The following USP20 variants were observed in gnomAD, a reference collection of about 807,000 sequenced individuals.
USP20 encodes the protein ubiquitin carboxyl-terminal hydrolase 20.
In USP20, 80 loss-of-function variants were observed where a neutral mutation model predicts 124.2. That is an observed-to-expected ratio of 0.64 (90% CI 0.54 to 0.78). The LOEUF (loss-of-function observed/expected upper bound fraction) is 0.78. Among genes scored for constraint, USP20 ranks in the 30% least tolerant of loss-of-function variants. USP20 has a pLI of 0.00. For synonymous variants in USP20, 481 were observed against 512.3 expected, an observed-to-expected ratio of 0.94 and a Z score of 0.83; for missense variants, 1,043 against 1,244.4, an observed-to-expected ratio of 0.84 and a Z score of 2.44.
At chr9:129,849,178 C>T (rs1421714005) in intron 1 of USP20, among the ~76,000 whole-genome samples, 1 of 152,184 alleles carries the variant, frequency 6.6e-6, no homozygotes, top group Non-Finnish European at 1.5e-5. Flanking sequence ...AGGAGAGGCC[C>T]TGTAGACCCC....
rs1469633684 is a variant in USP20, at chr9:129,839,685, C to T, written c.-129+4186C>T. The stretch of plus-strand genomic sequence containing the variant: ...TCAGCGTGGGCAGGGCTGTGGGCAT[C>T]GTTGTGTGGGTGGGAGGCCCAGAAG... On this transcript the variant is annotated intron_variant, in intron 1 of 25. Transcript: ENST00000372429. The surrounding 1 kb of genome is among the most constrained non-coding windows in gnomAD (Gnocchi z 4.5). 6.6e-6 allele frequency among the ~76,000 whole-genome samples: 1 copy of T among 151,960 alleles called. No individual in the cohort carries two copies. The highest frequency in any genetic ancestry group is 1.9e-4 in the East Asian group (1 of 5,174).
intron 9 of USP20, 37 bp from the exon 10 acceptor site, chr9:129,865,266 C>G (rs1320633723): frequency 6.2e-7 from 1 of 1,608,610 alleles, no homozygotes; most frequent in South Asian, 1.1e-5. Context: ...CAGCTCAAGG[C>G]AGGCTACCTG....
In USP20 at chr9:129,878,429, G is replaced by A. The variant is rs1230966001; in HGVS notation, c.2501G>A (p.Gly834Glu). 1 of 1,608,796 alleles carries A rather than the reference G, an allele frequency of 6.2e-7. No individual in the cohort carries two copies. The highest frequency in any genetic ancestry group is 8.5e-7 in the Non-Finnish European group (1 of 1,177,218). The change falls in exon 23 of 26, where the codon GGG becomes GAG. Residue 834 changes from glycine (G) to glutamate (E), a missense_variant. Transcript: ENST00000372429. ...WFREWEAFVK[G>E]KDNEPPGPID... Reference sequence around the variant, plus strand: ...CGGGAGTGGGAGGCGTTCGTCAAGGGGAAGGACAACGGTGAGCTGAGGGGG... The same window carrying A: ...CGGGAGTGGGAGGCGTTCGTCAAGGAGAAGGACAACGGTGAGCTGAGGGGG...
Position 129,874,838 on chromosome 9 carries a change from A to G in USP20, c.1931A>G (p.Tyr644Cys), listed in dbSNP as rs1269840504. The change falls in exon 19 of 26, where the codon TAC becomes TGC. Residue 644 changes from tyrosine to cysteine, a missense_variant. By Grantham distance (194) the Tyr-to-Cys change is radical. Coordinates refer to ENST00000372429, the MANE Select transcript of USP20 (RefSeq NM_001110303.4). Reference sequence around the variant, plus strand: ...TGCTCTGCCGCCGCAGGTGGGCACTACATCGCCTACTGCCAGAACGTGATC... The same window carrying G: ...TGCTCTGCCGCCGCAGGTGGGCACTGCATCGCCTACTGCCAGAACGTGATC... ...CHHGTAGSGHYIAYCQNVING... is the reference protein window; with the variant it reads ...CHHGTAGSGHCIAYCQNVING... 1 of 1,613,968 alleles carries G rather than the reference A, an allele frequency of 6.2e-7. No individual in the cohort carries two copies. The highest frequency in any genetic ancestry group is 2.2e-5 in the East Asian group (1 of 44,892).
intron 10 of USP20, among the ~76,000 whole-genome samples, chr9:129,867,419 C>T (rs1320869202): frequency 6.6e-6 from 1 of 152,108 alleles, no homozygotes; most frequent in Non-Finnish European, 1.5e-5. Context: ...ATGACCAGGT[C>T]TGTGGGAAGG....
At chr9:129,853,598 TGG>T (rs2033052762) in intron 3 of USP20, among the ~76,000 whole-genome samples, 1 of 152,228 alleles carries the variant, frequency 6.6e-6, no homozygotes, top group Non-Finnish European at 1.5e-5. Context: ...AGCAGGTCCT[TGG>T]TGGCCTTTGG....
At position 129,875,439 on chromosome 9, in the gene USP20, A is replaced by G. The variant is rs755165128; in HGVS notation, c.2178A>G (p.Pro726=). 6.2e-7 allele frequency: 1 copy of G among 1,613,644 alleles called. No individual in the cohort carries two copies. Among genetic ancestry groups the G allele is most frequent in the Non-Finnish European group, 8.5e-7 (1 of 1,179,900 alleles). ...ACAAGTTCAACACCTTCGCGGAGCC[A>G]GGCCCCATCACCAACCAGACCTTCC... ...WLNKFNTFAE[P]GPITNQTFLC... The change falls in exon 20 of 26, where the codon CCA becomes CCG. Residue 726 remains proline, a synonymous_variant. Transcript: ENST00000372429.
At chr9:129,871,502 C>T (rs897010564) in intron 15 of USP20, among the ~76,000 whole-genome samples, 1 of 152,196 alleles carries the variant, frequency 6.6e-6, no homozygotes, top group South Asian at 2.1e-4. Context: ...GCACACCTCT[C>T]TTCTTTCATC....
rs1459570346 is a variant in USP20 at position 129,860,053 on chromosome 9, A to G, written c.331-884A>G. Among the ~76,000 whole-genome samples, 5 of 151,970 alleles carry G rather than the reference A, an allele frequency of 3.3e-5. No homozygotes were observed. The South Asian group carries it at 1.0e-3, about 32-fold the overall frequency. On this transcript the variant is annotated intron_variant, in intron 6 of 25. Coordinates refer to ENST00000372429, the MANE Select transcript of USP20 (RefSeq NM_001110303.4). Reference sequence around the variant, plus strand: ...CTCTTAAAAAAAGTCCACATAGCCCAGGCGCGGTGGCTCATTCCTGTAATC... The same window carrying G: ...CTCTTAAAAAAAGTCCACATAGCCCGGGCGCGGTGGCTCATTCCTGTAATC...
At chr9:129,873,636 G>A in intron 16 of USP20, 63 bp from the exon 17 acceptor site, 3 of 1,613,652 alleles carry the variant, frequency 1.9e-6, no homozygotes, top group Non-Finnish European at 2.5e-6. Flanking sequence ...CGGGTGGAGG[G>A]CTGCTTCCCT....
At chr9:129,863,396 C>T (rs1251058590) in intron 9 of USP20, 97 bp downstream of exon 9, 18 of 956,216 alleles carry the variant, frequency 1.9e-5, no homozygotes, top group Non-Finnish European at 2.3e-5. Context: ...CAGCCCCCAG[C>T]GAGGACTTGC....
chr9:129,874,850 G>A lies in USP20; in HGVS notation c.1943G>A (p.Cys648Tyr). 1 of 1,614,134 alleles carries A rather than the reference G, an allele frequency of 6.2e-7. No homozygotes were observed. The highest frequency in any genetic ancestry group is 8.5e-7 in the Non-Finnish European group (1 of 1,180,044). ...GCAGGTGGGCACTACATCGCCTACTGCCAGAACGTGATCAATGGGCAGTGG... is the reference window on the plus strand; with the variant it reads ...GCAGGTGGGCACTACATCGCCTACTACCAGAACGTGATCAATGGGCAGTGG... ...TAGSGHYIAY[C>Y]QNVINGQWYE... Residue 648 changes from cysteine (C) to tyrosine (Y), a missense_variant, in exon 19 of 26, where the codon TGC becomes TAC. Physicochemically the swap from Cys to Tyr is radical, Grantham distance 194. Transcript: ENST00000372429.
intron 10 of USP20, among the ~76,000 whole-genome samples, chr9:129,866,589 G>A (rs1478751848): frequency 6.6e-6 from 1 of 152,204 alleles, no homozygotes. Context: ...TCAGCTCTGG[G>A]TCAGGATGCC....
At chr9:129,871,555 G>T (rs111255724) in intron 15 of USP20, among the ~76,000 whole-genome samples, 1 of 152,250 alleles carries the variant, frequency 6.6e-6, no homozygotes, top group African/African-American at 2.4e-5. Context: ...AGGAGCCACC[G>T]TACTGGGTTC....
intron 1 of USP20, among the ~76,000 whole-genome samples, chr9:129,847,115 C>A (rs1443433554): frequency 1.3e-5 from 2 of 152,138 alleles, no homozygotes; most frequent in Non-Finnish European, 2.9e-5. Flanking sequence ...ACAAATATTT[C>A]TTTGAGTTGC....
In USP20 at chr9:129,871,555, G is replaced by A. The variant is rs111255724; in HGVS notation, c.1660+1008G>A. Reference sequence around the variant, plus strand: ...ATTTTTAATTTCTCGAGGAGCCACCGTACTGGGTTCCACAGTGGCCACCCC... The same window carrying A: ...ATTTTTAATTTCTCGAGGAGCCACCATACTGGGTTCCACAGTGGCCACCCC... On this transcript the variant is annotated intron_variant, in intron 15 of 25. Coordinates refer to ENST00000372429, the MANE Select transcript of USP20 (RefSeq NM_001110303.4). 4.1e-3 allele frequency among the ~76,000 whole-genome samples: 622 copies of A among 152,248 alleles called. 5 individuals are homozygous for A. Among genetic ancestry groups the A allele is most frequent in the Non-Finnish European group, 4.9e-3 (330 of 68,016 alleles).
intron 2 of USP20, among the ~76,000 whole-genome samples, chr9:129,850,538 A>G (rs1357724868): frequency 6.6e-6 from 1 of 152,182 alleles, no homozygotes; most frequent in African/African-American, 2.4e-5. Flanking sequence ...GAATCTGGCC[A>G]GTTGACCCTG....
intron 1 of USP20, among the ~76,000 whole-genome samples, chr9:129,838,342 A>G (rs2131026077): frequency 6.6e-6 from 1 of 152,290 alleles, no homozygotes; most frequent in South Asian, 2.1e-4. Context: ...GTGCCCGGCT[A>G]ACAACAAATA....
At chr9:129,846,249 T>TATA (rs2032557557) in intron 1 of USP20, among the ~76,000 whole-genome samples, 46 of 56,016 alleles carry the variant, frequency 8.2e-4, no homozygotes, top group African/African-American at 3.4e-3. Flanking sequence ...ATATATATAT[T>TATA]TTTTTTTTTT....
Sources: gnomAD v4.1 joint callset for allele counts (sites outside exome capture counted in the v4.1 genomes callset) on GRCh38, gnomAD v4.1.1 for gene constraint, Gnocchi (gnomAD v3.1) non-coding constraint, MANE v1.5 for transcripts, NCBI Gene and HGNC (gene_info 2026-07-23, HGNC 2026-07-21) for gene names.